B3GALT1: variants seen among roughly 807,000 people sequenced by gnomAD.
B3GALT1 encodes the protein beta-1,3-galactosyltransferase 1.
B3GALT1 carries 10 observed loss-of-function variants against 23.2 expected under a neutral mutation model. That is an observed-to-expected ratio of 0.43 (90% CI 0.27 to 0.73). The LOEUF is 0.73. B3GALT1 is among the 30% of genes least tolerant of loss of function. The pLI, the probability that B3GALT1 is intolerant of heterozygous loss-of-function variation, is 0.21. For missense variants in B3GALT1, 299 were observed against 405.4 expected, an observed-to-expected ratio of 0.74 and a Z score of 2.25; for synonymous variants, 156 against 141.5, an observed-to-expected ratio of 1.10 and a Z score of -0.73.
intron 3 of B3GALT1, among the ~76,000 whole-genome samples, chr2:167,694,168 G>A (rs1237376121): frequency 6.6e-6 from 1 of 152,038 alleles, no homozygotes; most frequent in Non-Finnish European, 1.5e-5. Flanking sequence ...CATCACATTA[G>A]GGGTTAGGGT....
chr2:167,830,800 T>G (rs1374526623), intron 4 of B3GALT1, among the ~76,000 whole-genome samples: 1 of 152,250 alleles, frequency 6.6e-6, no homozygotes, highest in Non-Finnish European at 1.5e-5. Context: ...TAAAAATACA[T>G]GCACAGTCTA....
At chr2:167,592,454 C>T (rs1390785029) in intron 2 of B3GALT1, among the ~76,000 whole-genome samples, 2 of 152,142 alleles carry the variant, frequency 1.3e-5, no homozygotes, top group East Asian at 3.9e-4. Flanking sequence ...GGTTTGTGGA[C>T]ATAGAAATTT....
intron 3 of B3GALT1, among the ~76,000 whole-genome samples, chr2:167,740,795 A>G (rs1383414660): frequency 6.6e-6 from 1 of 152,202 alleles, no homozygotes; most frequent in African/African-American, 2.4e-5. Context: ...ATATATCATC[A>G]TAAGCTCTAT....
chr2:167,541,767 A>G (rs1683537369), intron 2 of B3GALT1, among the ~76,000 whole-genome samples: 1 of 152,102 alleles, frequency 6.6e-6, no homozygotes, highest in South Asian at 2.1e-4. Context: ...GTGGCCACAT[A>G]AGGATACAAT....
At chr2:167,310,315 G>GA (rs1370246371) in intron 1 of B3GALT1, among the ~76,000 whole-genome samples, 10 of 151,980 alleles carry the variant, frequency 6.6e-5, no homozygotes, top group Non-Finnish European at 1.2e-4. Flanking sequence ...GAGAGAGAGG[G>GA]AGAACATAAA....
chr2:167,559,465 T>G (rs921531096), intron 2 of B3GALT1, among the ~76,000 whole-genome samples: 2 of 152,180 alleles, frequency 1.3e-5, no homozygotes, highest in East Asian at 3.9e-4. Context: ...AGGATGACTT[T>G]GACGAGTTGA....
chr2:167,360,423 G>A (rs1266771983), intron 1 of B3GALT1, among the ~76,000 whole-genome samples: 1 of 152,108 alleles, frequency 6.6e-6, no homozygotes, highest in African/African-American at 2.4e-5. Context: ...CAAAGTCTTT[G>A]AGAACATCTA....
intron 3 of B3GALT1, among the ~76,000 whole-genome samples, chr2:167,669,393 T>C (rs1317464915): frequency 6.6e-6 from 1 of 152,234 alleles, no homozygotes; most frequent in African/African-American, 2.4e-5. Flanking sequence ...TTTCAAGTTA[T>C]ATTGAATATG....
At chr2:167,803,400 T>A (rs913799789) in intron 3 of B3GALT1, among the ~76,000 whole-genome samples, 12 of 152,220 alleles carry the variant, frequency 7.9e-5, no homozygotes, top group African/African-American at 2.9e-4. Flanking sequence ...AAATTGATCA[T>A]TACTTTACAA....
intron 2 of B3GALT1, among the ~76,000 whole-genome samples, chr2:167,531,558 A>G (rs1040188688): frequency 3.3e-5 from 5 of 152,134 alleles, no homozygotes; most frequent in African/African-American, 9.7e-5. Context: ...TAACTACTAC[A>G]CAGCTTACTT....
intron 2 of B3GALT1, among the ~76,000 whole-genome samples, chr2:167,645,037 A>G (rs1180322710): frequency 2.6e-5 from 4 of 152,190 alleles, no homozygotes; most frequent in Non-Finnish European, 5.9e-5. Context: ...TTCTGAGTAC[A>G]GCACCATAGA....
intron 2 of B3GALT1, among the ~76,000 whole-genome samples, chr2:167,549,047 A>G (rs977012924): frequency 5.3e-5 from 8 of 152,130 alleles, no homozygotes; most frequent in Non-Finnish European, 8.8e-5. Flanking sequence ...ATAGGTTGTA[A>G]TCTCCTTGAA....
chr2:167,839,838 T>G (rs1689593405), intron 4 of B3GALT1, among the ~76,000 whole-genome samples: 2 of 151,922 alleles, frequency 1.3e-5, no homozygotes, highest in Non-Finnish European at 2.9e-5. Context: ...GAGATATAGA[T>G]CAATGGAACA....
intron 3 of B3GALT1, among the ~76,000 whole-genome samples, chr2:167,687,252 A>C (rs1052252128): frequency 2.6e-5 from 4 of 152,194 alleles, no homozygotes; most frequent in Admixed American, 1.3e-4. Flanking sequence ...TCTCATTGAA[A>C]GAGAGAACTT....
intron 4 of B3GALT1, among the ~76,000 whole-genome samples, chr2:167,826,469 G>A (rs1186733102): frequency 6.6e-6 from 1 of 152,226 alleles, no homozygotes; most frequent in Non-Finnish European, 1.5e-5. Context: ...TAGCATAGCA[G>A]CCTGGTGCTC....
intron 3 of B3GALT1, among the ~76,000 whole-genome samples, chr2:167,691,350 A>G (rs1420856774): frequency 6.6e-6 from 1 of 152,138 alleles, no homozygotes; most frequent in Non-Finnish European, 1.5e-5. Context: ...AACATCTTAA[A>G]GTGTTTTTAC....
chr2:167,542,946 A>T (rs1267110540), intron 2 of B3GALT1, among the ~76,000 whole-genome samples: 1 of 152,146 alleles, frequency 6.6e-6, no homozygotes, highest in African/African-American at 2.4e-5. Flanking sequence ...GTGTGAGCTT[A>T]AAGTTCTTGG....
intron 4 of B3GALT1, among the ~76,000 whole-genome samples, chr2:167,852,693 A>G (rs182660262): frequency 6.6e-6 from 1 of 152,344 alleles, no homozygotes; most frequent in East Asian, 1.9e-4. Flanking sequence ...TGTATACTCA[A>G]AATATGAATA....
At chr2:167,714,865 C>T in intron 3 of B3GALT1, 2 of 1,608,742 alleles carry the variant, frequency 1.2e-6, no homozygotes, top group Non-Finnish European at 1.7e-6. Flanking sequence ...CTTCTATTGT[C>T]AATTTCCTGT....
Sources: gnomAD v4.1 joint callset for allele counts (sites outside exome capture counted in the v4.1 genomes callset) on GRCh38, gnomAD v4.1.1 for gene constraint, MANE v1.5 for transcripts, NCBI Gene and HGNC (gene_info 2026-07-23, HGNC 2026-07-21) for gene names.